WWOX: variants seen among roughly 807,000 people sequenced by gnomAD.
WWOX encodes WW domain-containing oxidoreductase.
Under a neutral mutation model 46.2 loss-of-function variants are expected in WWOX, and 69 were observed. The ratio of observed to expected loss-of-function variants is 1.49; its 90% CI spans 1.23 to 1.82. WWOX has a LOEUF of 1.82. WWOX is among the 40% of genes most tolerant of loss of function. The pLI is 0.00. For synonymous variants in WWOX, 359 were observed against 202.6 expected (o/e 1.77, Z -6.56); for missense variants, 919 against 542.6 (o/e 1.69, Z -6.89).
intron 5 of WWOX, among the ~76,000 whole-genome samples, chr16:78,315,066 A>G (rs752553340): frequency 5.9e-5 from 9 of 152,072 alleles, no homozygotes; most frequent in East Asian, 5.8e-4. Context: ...TCAATCATCT[A>G]TCATCTAGCT....
intron 8 of WWOX, among the ~76,000 whole-genome samples, chr16:79,000,883 GTT>G: frequency 6.6e-6 from 1 of 152,110 alleles, no homozygotes; most frequent in African/African-American, 2.4e-5. Flanking sequence ...GGTTTGTCAT[GTT>G]GCACTTATTT....
chr16:78,209,973 C>G (rs1055402491), intron 5 of WWOX, among the ~76,000 whole-genome samples: 2 of 151,744 alleles, frequency 1.3e-5, no homozygotes, highest in African/African-American at 2.4e-5. Context: ...AAAGGATAAA[C>G]TTTTCTTAAA....
intron 6 of WWOX, among the ~76,000 whole-genome samples, chr16:78,413,594 A>G (rs2082730967): frequency 6.6e-6 from 1 of 152,054 alleles, no homozygotes; most frequent in African/African-American, 2.4e-5. Context: ...GTCATCAGTT[A>G]AGGCTATTTT....
chr16:78,454,728 G>A lies in WWOX; in HGVS notation c.1056+21976G>A, dbSNP rs1166969727. Among the ~76,000 whole-genome samples the A allele has an allele frequency of 5.3e-5, 8 of 151,986 alleles. No homozygotes were observed. The East Asian group carries it at 9.6e-4, about 18-fold the overall frequency. On this transcript the variant is annotated intron_variant, in intron 8 of 8. Transcript: ENST00000566780. ...ATCAGGCTGGTCTCGAACTCTCAAC[G>A]TCAGGTGATCCATCCTCCTCAGCCT...
chr16:79,066,222 A>G (rs2048438702), intron 8 of WWOX, among the ~76,000 whole-genome samples: 1 of 152,080 alleles, frequency 6.6e-6, no homozygotes, highest in African/African-American at 2.4e-5. Flanking sequence ...TTCCTTCCAG[A>G]GAGGCCTCCC....
chr16:79,183,590 A>G (rs950758164), intron 8 of WWOX, among the ~76,000 whole-genome samples: 1 of 152,228 alleles, frequency 6.6e-6, no homozygotes, highest in Non-Finnish European at 1.5e-5. Context: ...CTGTGAGTAA[A>G]TCAGTGTGTT....
rs200634055 is a variant in WWOX, at chr16:79,207,280, A to G, written c.1057-4328A>G. ...ATTTGAGAAGTATTTGCTTTGTCCA[A>G]CAGACACCAGATGAGTAACAATGGA... On this transcript the variant is annotated intron_variant, in intron 8 of 8. Transcript: ENST00000566780. Among the ~76,000 whole-genome samples the G allele has an allele frequency of 1.6e-4, 25 of 152,366 alleles. No homozygotes were observed. In the East Asian group the frequency reaches 3.5e-3, roughly 21 times the overall value.
intron 8 of WWOX, among the ~76,000 whole-genome samples, chr16:78,644,186 C>T (rs954899590): frequency 8.5e-5 from 13 of 152,090 alleles, no homozygotes; most frequent in African/African-American, 3.1e-4. Context: ...CACGCCATTG[C>T]ACTCCAGCCT....
intron 8 of WWOX, among the ~76,000 whole-genome samples, chr16:78,816,962 A>C (rs1398538848): frequency 6.6e-6 from 1 of 152,040 alleles, no homozygotes; most frequent in East Asian, 1.9e-4. Context: ...CAAACAAGTA[A>C]ATACCTTGGG....
chr16:78,335,045 T>C (rs1050896024), intron 5 of WWOX, among the ~76,000 whole-genome samples: 1 of 152,092 alleles, frequency 6.6e-6, no homozygotes, highest in African/African-American at 2.4e-5. Context: ...CCTGGTAGCT[T>C]GTTAGACATA....
chr16:79,039,479 C>G (rs945569983), intron 8 of WWOX, among the ~76,000 whole-genome samples: 1 of 152,258 alleles, frequency 6.6e-6, no homozygotes, highest in Admixed American at 6.5e-5. Flanking sequence ...AGAGGCGACG[C>G]ATTTGCCCAT....
intron 8 of WWOX, among the ~76,000 whole-genome samples, chr16:78,479,468 G>A (rs150863807): frequency 1.3e-5 from 2 of 152,288 alleles, no homozygotes; most frequent in African/African-American, 4.8e-5. Flanking sequence ...GATTTACCAA[G>A]TAACTTTAGA....
At chr16:78,695,005 C>G (rs1305162387) in intron 8 of WWOX, among the ~76,000 whole-genome samples, 1 of 152,162 alleles carries the variant, frequency 6.6e-6, no homozygotes, top group Non-Finnish European at 1.5e-5. Context: ...ATTGTAAACA[C>G]AGGGAATAGA....
chr16:78,922,343 C>CT lies in WWOX; in HGVS notation c.1057-289258dup, dbSNP rs1205984909. 4.6e-5 allele frequency among the ~76,000 whole-genome samples: 7 copies of CT among 151,224 alleles called. No homozygotes were observed. The South Asian group carries it at 1.3e-3, about 27-fold the overall frequency. On this transcript the variant is annotated intron_variant, in intron 8 of 8. Transcript: ENST00000566780. ...AGAGGTGCCCAAGCAAACAAAGACT[C>CT]TTTTTTTCAGGAATATATTCTGCAT...
intron 8 of WWOX, chr16:78,691,287 A>G: frequency 2.8e-6 from 2 of 702,140 alleles, no homozygotes; most frequent in Non-Finnish European, 5.2e-6. Flanking sequence ...ATTGTCAGTG[A>G]CTTTGGTGAG....
At chr16:79,100,245 C>G (rs2049164484) in intron 8 of WWOX, among the ~76,000 whole-genome samples, 1 of 151,956 alleles carries the variant, frequency 6.6e-6, no homozygotes, top group African/African-American at 2.4e-5. Flanking sequence ...AAAAAGATAC[C>G]CACCAAAGAT....
chr16:79,118,395 C>G (rs1365074714), intron 8 of WWOX, among the ~76,000 whole-genome samples: 1 of 152,134 alleles, frequency 6.6e-6, no homozygotes, highest in Non-Finnish European at 1.5e-5. Context: ...TCACTGATCA[C>G]AGATCACCAA....
chr16:78,474,887 A>G (rs552548149), intron 8 of WWOX, among the ~76,000 whole-genome samples: 1 of 152,348 alleles, frequency 6.6e-6, no homozygotes, highest in South Asian at 2.1e-4. Context: ...TTTTCAAGAT[A>G]CTGCACCTAA....
intron 8 of WWOX, among the ~76,000 whole-genome samples, chr16:78,933,660 A>G (rs2045671744): frequency 6.6e-6 from 1 of 152,184 alleles, no homozygotes; most frequent in Non-Finnish European, 1.5e-5. Context: ...GTGGCTGGGG[A>G]GGCCTCACAA....
Sources: allele counts gnomAD v4.1 joint callset (sites outside exome capture counted in the v4.1 genomes callset), GRCh38; gene constraint gnomAD v4.1.1; transcripts MANE v1.5; gene names NCBI Gene and HGNC (gene_info 2026-07-23, HGNC 2026-07-21).